GABBR2: variants seen among roughly 807,000 people sequenced by gnomAD.
GABBR2 encodes the protein G-protein coupled receptor 51.
In GABBR2, 23 loss-of-function variants were observed where a neutral mutation model predicts 105.6. That is an observed-to-expected ratio of 0.22 (90% CI 0.16 to 0.31). The LOEUF (loss-of-function observed/expected upper bound fraction) is 0.31. GABBR2 is among the 10% of genes least tolerant of loss of function. The pLI, the probability that GABBR2 is intolerant of heterozygous loss-of-function variation, is 1.00. For missense variants in GABBR2, 734 were observed against 1,245.5 expected (o/e 0.59, Z 6.18); for synonymous variants, 478 against 499.7 (o/e 0.96, Z 0.58).
At chr9:98,647,660 A>T (rs1210295454) in intron 1 of GABBR2, among the ~76,000 whole-genome samples, 1 of 152,214 alleles carries the variant, frequency 6.6e-6, no homozygotes, top group African/African-American at 2.4e-5. Context: ...TGAATAGGCC[A>T]CCTACTTTCC....
intron 1 of GABBR2, among the ~76,000 whole-genome samples, chr9:98,634,790 C>A (rs1247234682): frequency 6.6e-6 from 1 of 152,146 alleles, no homozygotes; most frequent in African/African-American, 2.4e-5. Flanking sequence ...GGAAGGAAAG[C>A]AACAACCTAA....
chr9:98,556,060 T>C (rs1347265745), intron 2 of GABBR2, among the ~76,000 whole-genome samples: 4 of 151,352 alleles, frequency 2.6e-5, no homozygotes, highest in Non-Finnish European at 5.9e-5. Flanking sequence ...TTGTCTTCTT[T>C]AGACAGGAAC....
intron 13 of GABBR2, among the ~76,000 whole-genome samples, chr9:98,333,111 C>CA (rs1280026203): frequency 6.6e-6 from 1 of 152,072 alleles, no homozygotes; most frequent in Non-Finnish European, 1.5e-5. Flanking sequence ...GTGGGCTCTG[C>CA]AAGGGTTCAG....
rs542315932 is a variant in GABBR2, at chr9:98,704,848, TGAAGACAG to T, written c.321+3561_321+3568del. 1.4e-3 allele frequency among the ~76,000 whole-genome samples: 208 copies of T among 152,110 alleles called. 1 individual carries two copies. Among genetic ancestry groups the T allele is most frequent in the African/African-American group, 4.9e-3 (203 of 41,490 alleles). On this transcript the variant is annotated intron_variant, in intron 1 of 18. Transcript: ENST00000259455. ...GAAACAATCACATGGAGAACATTTC[TGAAGACAG>T]GAAGATCACTTGAGCCCAGGAGTTC...
intron 13 of GABBR2, among the ~76,000 whole-genome samples, chr9:98,340,976 C>A (rs977918883): frequency 6.6e-6 from 1 of 152,242 alleles, no homozygotes; most frequent in Non-Finnish European, 1.5e-5. Flanking sequence ...GAATTTCTAG[C>A]AAACAGCTCA....
chr9:98,427,965 C>A (rs1010095251), intron 7 of GABBR2, among the ~76,000 whole-genome samples: 1 of 152,198 alleles, frequency 6.6e-6, no homozygotes, highest in African/African-American at 2.4e-5. Context: ...CCTGTATTAT[C>A]CGAGAGACCC....
chr9:98,545,313 A>G (rs1430694501), intron 2 of GABBR2, among the ~76,000 whole-genome samples: 1 of 152,152 alleles, frequency 6.6e-6, no homozygotes, highest in African/African-American at 2.4e-5. Flanking sequence ...TGGCACTGAC[A>G]TTTTCTGCAC....
intron 13 of GABBR2, among the ~76,000 whole-genome samples, chr9:98,347,951 G>T (rs929661219): frequency 6.6e-6 from 1 of 152,156 alleles, no homozygotes; most frequent in African/African-American, 2.4e-5. Context: ...GTCCCCCTGC[G>T]CAAGCTCTCT....
intron 11 of GABBR2, among the ~76,000 whole-genome samples, chr9:98,376,404 C>T (rs954847625): frequency 6.6e-6 from 1 of 152,216 alleles, no homozygotes; most frequent in African/African-American, 2.4e-5. Flanking sequence ...GATGGAAGAG[C>T]AAGCCCTGGT....
chr9:98,392,877 C>T (rs1314817669), intron 9 of GABBR2, among the ~76,000 whole-genome samples: 5 of 151,950 alleles, frequency 3.3e-5, no homozygotes, highest in African/African-American at 1.2e-4. Flanking sequence ...TTCATCCATC[C>T]ATCCACTTGA....
intron 3 of GABBR2, among the ~76,000 whole-genome samples, chr9:98,529,695 T>A (rs1490881713): frequency 6.6e-6 from 1 of 152,170 alleles, no homozygotes; most frequent in African/African-American, 2.4e-5. Flanking sequence ...AAAGTAACTG[T>A]AATCTTATTA....
chr9:98,622,101 ACT>A lies in GABBR2; in HGVS notation c.322-44031_322-44030del, dbSNP rs1829678348. The stretch of plus-strand genomic sequence containing the variant: ...GCATCCTCTACTTAAGAACCTGGTG[ACT>A]CTTCCTTCATCCCACCTGCAACTCA... On this transcript the variant is annotated intron_variant, in intron 1 of 18. Coordinates refer to ENST00000259455, the MANE Select transcript of GABBR2 (RefSeq NM_005458.8). 4.0e-5 allele frequency among the ~76,000 whole-genome samples: 6 copies of A among 151,774 alleles called. No homozygotes were observed. The South Asian group carries it at 1.3e-3, about 32-fold the overall frequency.
intron 13 of GABBR2, among the ~76,000 whole-genome samples, chr9:98,345,125 A>C (rs1024345381): frequency 3.3e-5 from 5 of 151,974 alleles, no homozygotes; most frequent in Non-Finnish European, 5.9e-5. Flanking sequence ...TGCTCCCTAC[A>C]TAGCTCTCAA....
rs536103520 is a variant in GABBR2, at chr9:98,394,265, G to A, written c.1298-10C>T. The A allele has an allele frequency of 1.2e-6, 2 of 1,603,950 alleles. No homozygotes were observed. Among genetic ancestry groups the A allele is most frequent in the South Asian group, 1.1e-5 (1 of 90,738 alleles). On this transcript the variant is annotated splice_polypyrimidine_tract_variant and intron_variant, in intron 8 of 18. Transcript: ENST00000259455. ...TTCACCTCCCTGCTGTCTGTGGGGAGCAAAAGACAGTGGCCAGTTAGACTG... is the reference window on the plus strand; with the variant it reads ...TTCACCTCCCTGCTGTCTGTGGGGAACAAAAGACAGTGGCCAGTTAGACTG...
intron 12 of GABBR2, among the ~76,000 whole-genome samples, chr9:98,370,148 A>G (rs1831752844): frequency 1.3e-5 from 2 of 152,108 alleles, no homozygotes; most frequent in Non-Finnish European, 2.9e-5. Context: ...AGGATGAAGG[A>G]ATGCTTTCTG....
chr9:98,648,115 G>GTGTGTATAGATAGATAGATA (rs1830053590), intron 1 of GABBR2, among the ~76,000 whole-genome samples: 1 of 44,924 alleles, frequency 2.2e-5, no homozygotes, highest in Non-Finnish European at 4.2e-5. Flanking sequence ...GTGTGTGTGT[G>GTGTGTATAGATAGATAGATA]TATAGATAGA....
chr9:98,326,250 C>A (rs1408158687), intron 13 of GABBR2, among the ~76,000 whole-genome samples: 2 of 152,190 alleles, frequency 1.3e-5, no homozygotes, highest in Non-Finnish European at 1.5e-5. Flanking sequence ...CACAGCAAAA[C>A]AGTGAGCATA....
chr9:98,497,386 A>G (rs1223340291), intron 3 of GABBR2, among the ~76,000 whole-genome samples: 2 of 152,124 alleles, frequency 1.3e-5, no homozygotes, highest in Non-Finnish European at 2.9e-5. Flanking sequence ...CTTTTAAAAT[A>G]TAAAATCCCC....
chr9:98,531,515 A>T (rs948127356), intron 3 of GABBR2, among the ~76,000 whole-genome samples: 2 of 152,032 alleles, frequency 1.3e-5, no homozygotes, highest in African/African-American at 2.4e-5. Flanking sequence ...TGAGCAAAAC[A>T]TCCTGGAAAT....
Sources: gnomAD v4.1 joint callset for allele counts (sites outside exome capture counted in the v4.1 genomes callset) on GRCh38, gnomAD v4.1.1 for gene constraint, MANE v1.5 for transcripts, NCBI Gene and HGNC (gene_info 2026-07-23, HGNC 2026-07-21) for gene names.